CSGALNACT1: variants seen among roughly 807,000 people sequenced by gnomAD.
CSGALNACT1 encodes chondroitin sulfate N-acetylgalactosaminyltransferase 1, also known as beta4GalNAcT-1.
CSGALNACT1 carries 52 observed loss-of-function variants against 51.0 expected under a neutral mutation model. The ratio of observed to expected loss-of-function variants is 1.02; its 90% CI spans 0.82 to 1.29. The LOEUF (loss-of-function observed/expected upper bound fraction) is 1.29, where lower values mean the gene tolerates loss of function less well. CSGALNACT1 is among the 50% of genes most tolerant of loss of function. The pLI is 0.00. For missense variants in CSGALNACT1, 935 were observed against 679.2 expected, an observed-to-expected ratio of 1.38 and a Z score of -4.19; for synonymous variants, 341 against 254.4, an observed-to-expected ratio of 1.34 and a Z score of -3.24.
chr8:19,506,425 A>C (rs1318428102), intron 3 of CSGALNACT1, among the ~76,000 whole-genome samples: 1 of 152,220 alleles, frequency 6.6e-6, no homozygotes, highest in Non-Finnish European at 1.5e-5. Flanking sequence ...ATTTTTCTGT[A>C]TCTGGTAATT....
At chr8:19,674,639 T>C (rs1009965000) in intron 1 of CSGALNACT1, among the ~76,000 whole-genome samples, 4 of 151,776 alleles carry the variant, frequency 2.6e-5, no homozygotes, top group Admixed American at 1.3e-4. Context: ...TAAGCAGTGA[T>C]TGGTGGAGGG....
intron 3 of CSGALNACT1, among the ~76,000 whole-genome samples, chr8:19,510,238 A>G (rs4922050): frequency 0.18 from 27,722 of 152,122 alleles, 2,651 homozygotes; most frequent in Non-Finnish European, 0.2. Context: ...GAGATATCCA[A>G]GCGCAATGCC....
intron 1 of CSGALNACT1, among the ~76,000 whole-genome samples, chr8:19,756,196 T>A (rs1368395837): frequency 6.6e-6 from 1 of 151,892 alleles, no homozygotes; most frequent in African/African-American, 2.4e-5. Flanking sequence ...GTCGACGAAA[T>A]CCTACAGAAT....
intron 4 of CSGALNACT1, among the ~76,000 whole-genome samples, chr8:19,485,802 T>C (rs991579113): frequency 8.8e-5 from 12 of 135,702 alleles, no homozygotes; most frequent in African/African-American, 3.3e-4. Flanking sequence ...GTTTCACTCT[T>C]GCTGCCCAGG....
chr8:19,603,720 C>A (rs995281964), upstream of CSGALNACT1, among the ~76,000 whole-genome samples: 1 of 152,220 alleles, frequency 6.6e-6, no homozygotes, highest in African/African-American at 2.4e-5. Context: ...GGCAGCAGAT[C>A]TGGAGGCTCC....
intron 1 of CSGALNACT1, among the ~76,000 whole-genome samples, chr8:19,649,758 AGAG>A (rs2154182805): frequency 7.0e-6 from 1 of 142,058 alleles, no homozygotes; most frequent in East Asian, 2.4e-4. Flanking sequence ...CTTGTTAAAA[AGAG>A]TAGAAATTTT....
At chr8:19,534,048 A>G (rs1189705975) in intron 3 of CSGALNACT1, among the ~76,000 whole-genome samples, 2 of 152,210 alleles carry the variant, frequency 1.3e-5, no homozygotes. Context: ...TTCAAAATCT[A>G]AATTTAAAAT....
At chr8:19,467,214 G>T (rs2066910547) in intron 4 of CSGALNACT1, among the ~76,000 whole-genome samples, 1 of 141,098 alleles carries the variant, frequency 7.1e-6, no homozygotes, top group South Asian at 2.3e-4. Context: ...CTGACTCTCG[G>T]TTTCACAGTA....
At chr8:19,596,385 CAATCA>C (rs2048904363) in intron 2 of CSGALNACT1, among the ~76,000 whole-genome samples, 1 of 152,170 alleles carries the variant, frequency 6.6e-6, no homozygotes, top group South Asian at 2.1e-4. Context: ...TTCTTATGAA[CAATCA>C]AATCAAACCC....
chr8:19,506,308 C>T (rs1427619270), intron 3 of CSGALNACT1, among the ~76,000 whole-genome samples, 178 bp from the exon 3 acceptor site: 1 of 152,102 alleles, frequency 6.6e-6, no homozygotes, highest in East Asian at 1.9e-4. Context: ...TGCAGTGTAA[C>T]GCAAATAAGC....
intron 1 of CSGALNACT1, among the ~76,000 whole-genome samples, chr8:19,614,118 T>C (rs2052670585): frequency 6.6e-6 from 1 of 152,236 alleles, no homozygotes. Flanking sequence ...GTCACATTTG[T>C]GTAATACTCT....
At chr8:19,669,633 T>G (rs2059637798) in intron 1 of CSGALNACT1, among the ~76,000 whole-genome samples, 1 of 151,302 alleles carries the variant, frequency 6.6e-6, no homozygotes, top group Non-Finnish European at 1.5e-5. Context: ...TTTGTTTGTT[T>G]GTTTTTGTTT....
chr8:19,724,014 T>C (rs896914541), intron 1 of CSGALNACT1, among the ~76,000 whole-genome samples: 42 of 152,314 alleles, frequency 2.8e-4, no homozygotes, highest in African/African-American at 9.4e-4. Flanking sequence ...TAGGATTTTC[T>C]GGCTCTCAGA....
At chr8:19,458,539 G>A (rs937056760) in exon 5 of CSGALNACT1, 2 of 1,614,166 alleles carry the variant, frequency 1.2e-6, no homozygotes, top group Non-Finnish European at 1.7e-6. Context: ...TCATGATGGG[G>A]CCGAATGGTC....
At chr8:19,658,488 C>A (rs1192203276) in intron 1 of CSGALNACT1, among the ~76,000 whole-genome samples, 1 of 152,184 alleles carries the variant, frequency 6.6e-6, no homozygotes, top group South Asian at 2.1e-4. Flanking sequence ...AATCCCAGCA[C>A]TCTGGCAGGC....
intron 3 of CSGALNACT1, among the ~76,000 whole-genome samples, chr8:19,535,658 G>C (rs929946350): frequency 6.6e-6 from 1 of 152,144 alleles, no homozygotes; most frequent in Non-Finnish European, 1.5e-5. Flanking sequence ...CTGATTGTAA[G>C]ATGATGAATT....
At chr8:19,537,879 C>A (rs747835077) in intron 3 of CSGALNACT1, among the ~76,000 whole-genome samples, 1 of 152,164 alleles carries the variant, frequency 6.6e-6, no homozygotes, top group Non-Finnish European at 1.5e-5. Flanking sequence ...TAAGAACTAT[C>A]AAAGAAACAT....
At chr8:19,658,609 C>T (rs565424048) in intron 1 of CSGALNACT1, among the ~76,000 whole-genome samples, 54 of 152,232 alleles carry the variant, frequency 3.5e-4, no homozygotes, top group African/African-American at 1.1e-3. Flanking sequence ...TGGTGCACAC[C>T]TGTAGTCCCA....
At chr8:19,740,901 C>T (rs1056895719) in intron 1 of CSGALNACT1, among the ~76,000 whole-genome samples, 1 of 152,082 alleles carries the variant, frequency 6.6e-6, no homozygotes, top group African/African-American at 2.4e-5. Context: ...GTTACATACC[C>T]ACATATGTAT....
Sources: gnomAD v4.1 joint callset for allele counts (sites outside exome capture counted in the v4.1 genomes callset) on GRCh38, gnomAD v4.1.1 for gene constraint, MANE v1.5 for transcripts, NCBI Gene and HGNC (gene_info 2026-07-23, HGNC 2026-07-21) for gene names.